Variants in DOP1A observed in about 807,000 individuals in gnomAD.
DOP1A encodes DOP1 leucine zipper like protein A.
A neutral mutation model predicts 267.6 loss-of-function variants in DOP1A; 90 were observed. The ratio of observed to expected loss-of-function variants is 0.34; its 90% CI spans 0.28 to 0.40. The LOEUF (loss-of-function observed/expected upper bound fraction) is 0.40. Ranked by LOEUF, DOP1A falls within the 10% of genes least tolerant of loss-of-function variation. The pLI, the probability that DOP1A is intolerant of heterozygous loss-of-function variation, is 1.00. For synonymous variants in DOP1A, 932 were observed against 999.1 expected, an observed-to-expected ratio of 0.93 and a Z score of 1.27; for missense variants, 2,437 against 2,900.4, an observed-to-expected ratio of 0.84 and a Z score of 3.67.
At chr6:83,153,310 C>T in intron 30 of DOP1A, 1 of 357,738 alleles carries the variant, frequency 2.8e-6, no homozygotes, top group Non-Finnish European at 4.9e-6. Context: ...AAGATTTGCC[C>T]ATATTTATAT....
chr6:83,131,265 T>G (rs1217606905), intron 17 of DOP1A, among the ~76,000 whole-genome samples: 1 of 152,126 alleles, frequency 6.6e-6, no homozygotes, highest in Non-Finnish European at 1.5e-5. Context: ...AAAAAAAGTT[T>G]AAAAATCTGA....
intron 12 of DOP1A, 66 bp downstream of exon 12, chr6:83,123,048 G>A (rs1776601960): frequency 2.0e-6 from 3 of 1,496,930 alleles, no homozygotes; most frequent in Admixed American, 5.1e-5. Context: ...TTTTTTTTAA[G>A]TTGTTACATT....
chr6:83,153,873 G>T lies in DOP1A; in HGVS notation c.6240-21G>T, dbSNP rs1782222903. On this transcript the variant is annotated intron_variant, in intron 31 of 38. Coordinates refer to ENST00000349129, the MANE Select transcript of DOP1A (RefSeq NM_015018.4). ...ATTAAAGTTAGGACACGTAGGTTAA[G>T]GTGGTTTTTCTTCCTTGTAGTGCAC... 3 of 1,593,776 alleles carry T rather than the reference G, an allele frequency of 1.9e-6. No individual in the cohort carries two copies. In the East Asian group the frequency reaches 6.7e-5, roughly 36 times the overall value.
chr6:83,119,219 C>G (rs1775952108), intron 8 of DOP1A, among the ~76,000 whole-genome samples: 1 of 152,078 alleles, frequency 6.6e-6, no homozygotes, highest in African/African-American at 2.4e-5. Flanking sequence ...TTGTCCTTAA[C>G]AAGATGTTTT....
chr6:83,125,473 C>CT, intron 14 of DOP1A, 27 bp from the exon 15 acceptor site: 1 of 1,604,112 alleles, frequency 6.2e-7, no homozygotes, highest in Non-Finnish European at 8.5e-7. Context: ...ATTGTTTAAA[C>CT]TTTTTTCATT....
At chr6:83,095,083 C>A (rs1771218691) in intron 1 of DOP1A, among the ~76,000 whole-genome samples, 1 of 152,138 alleles carries the variant, frequency 6.6e-6, no homozygotes, top group South Asian at 2.1e-4. Flanking sequence ...CAGGCATGAG[C>A]CACCACACCT....
At position 83,125,655 on chromosome 6, in the gene DOP1A, G is replaced by A. The variant is rs145826563; in HGVS notation, c.1641G>A (p.Leu547=). The change falls in exon 15 of 39, where the codon CTG becomes CTA. Residue 547 remains leucine, a synonymous_variant. Transcript: ENST00000349129. ...SKILSKVQPP[L]LSASTGGVLQ... ...TCCTTAGCAAGGTTCAGCCTCCACT[G>A]TTATCTGCTAGCACTGGAGGTGTTT... is the stretch of plus-strand genomic sequence containing the variant. 31 of 1,613,670 alleles carry A rather than the reference G, an allele frequency of 1.9e-5. No homozygotes were observed. The Admixed American group carries it at 2.0e-4, about 10-fold the overall frequency.
chr6:83,083,421 A>T (rs752895186), intron 1 of DOP1A, among the ~76,000 whole-genome samples: 7 of 120,084 alleles, frequency 5.8e-5, no homozygotes, highest in South Asian at 2.4e-4. Context: ...CTTGTGGTTT[A>T]AAAAAAAAAA....
At chr6:83,146,110 A>C (rs1331670200) in intron 25 of DOP1A, among the ~76,000 whole-genome samples, 1 of 152,246 alleles carries the variant, frequency 6.6e-6, no homozygotes, top group Admixed American at 6.5e-5. Context: ...TTGACCATGT[A>C]TAATACTGTG....
At chr6:83,096,381 CTGTGGG>C (rs1771514203) in intron 1 of DOP1A, among the ~76,000 whole-genome samples, 1 of 151,288 alleles carries the variant, frequency 6.6e-6, no homozygotes, top group Non-Finnish European at 1.5e-5. Flanking sequence ...CTGTACTCAG[CTGTGGG>C]CATACTTTAA....
At chr6:83,132,495 A>G (rs556296373) in intron 18 of DOP1A, among the ~76,000 whole-genome samples, 167 bp downstream of exon 18, 8 of 152,128 alleles carry the variant, frequency 5.3e-5, no homozygotes, top group African/African-American at 9.7e-5. Flanking sequence ...AATGTATTCA[A>G]TTATTTCTAG....
At chr6:83,076,520 A>C (rs1002173688) in intron 1 of DOP1A, among the ~76,000 whole-genome samples, 12 of 152,190 alleles carry the variant, frequency 7.9e-5, no homozygotes, top group African/African-American at 2.9e-4. Flanking sequence ...AAAGAAAAAA[A>C]AATGTTGAAG....
In DOP1A at chr6:83,129,237, C is replaced by T; in HGVS notation, c.2070C>T (p.Asn690=). The T allele has an allele frequency of 6.2e-7, 1 of 1,613,558 alleles. No individual in the cohort carries two copies. The highest frequency in any genetic ancestry group is 8.5e-7 in the Non-Finnish European group (1 of 1,179,800). The change falls in exon 16 of 39, where the codon AAC becomes AAT. Residue 690 remains asparagine, a synonymous_variant. Coordinates refer to ENST00000349129, the MANE Select transcript of DOP1A (RefSeq NM_015018.4). ...AACAGTTTCTTACCAGACTTATCAA[C>T]CTCTACATCATTCAGAATAACTCTT... ...YVQQFLTRLI[N]LYIIQNNSFS... is the part of the protein sequence containing the mutation.
At chr6:83,089,141 TG>T (rs1343619833) in intron 1 of DOP1A, among the ~76,000 whole-genome samples, 4 of 152,194 alleles carry the variant, frequency 2.6e-5, no homozygotes, top group Non-Finnish European at 5.9e-5. Flanking sequence ...CTGCCTTTTG[TG>T]GCAAAGGAAG....
Position 83,137,618 on chromosome 6 carries a change from G to T in DOP1A, c.3576G>T (p.Glu1192Asp). ...PKCSDIDPDE[E>D]TIKIEDDSIQ... Reference sequence around the variant, plus strand: ...GCAGTGATATAGATCCAGATGAAGAGACGATTAAAATTGAAGATGACTCCA... The same window carrying T: ...GCAGTGATATAGATCCAGATGAAGATACGATTAAAATTGAAGATGACTCCA... Residue 1192 changes from glutamate (E) to aspartate (D), a missense_variant, in exon 21 of 39, where the codon GAG becomes GAT. Coordinates refer to ENST00000349129, the MANE Select transcript of DOP1A (RefSeq NM_015018.4). 1 of 1,613,816 alleles carries T rather than the reference G, an allele frequency of 6.2e-7. No homozygotes were observed. Among genetic ancestry groups the T allele is most frequent in the Non-Finnish European group, 8.5e-7 (1 of 1,179,840 alleles).
At chr6:83,117,054 A>G (rs1364517502) in intron 7 of DOP1A, among the ~76,000 whole-genome samples, 1 of 152,150 alleles carries the variant, frequency 6.6e-6, no homozygotes, top group Non-Finnish European at 1.5e-5. Context: ...CAACTCAGTT[A>G]TACAATTGCT....
At position 83,137,568 on chromosome 6, in the gene DOP1A, G is replaced by A. The variant is rs369687259; in HGVS notation, c.3526G>A (p.Glu1176Lys). 5.6e-5 allele frequency: 91 copies of A among 1,613,684 alleles called. No homozygotes were observed. Among genetic ancestry groups the A allele is most frequent in the Non-Finnish European group, 7.5e-5 (88 of 1,179,822 alleles). Residue 1176 changes from glutamate to lysine, a missense_variant, in exon 21 of 39, where the codon GAA becomes AAA. Physicochemically the swap from Glu to Lys is moderately conservative, Grantham distance 56 (BLOSUM62 1). Around this residue, in one of 9 missense-constraint regions of DOP1A, gnomAD observed 878 missense variants for 992.9 expected, o/e 0.88. Coordinates refer to ENST00000349129, the MANE Select transcript of DOP1A (RefSeq NM_015018.4). The part of the protein sequence containing the change: ...VESASVTSQL[E>K]IEAMPPKCSD... ...ATCTGCATCAGTTACATCTCAATTA[G>A]AAATTGAAGCTATGCCCCCAAAGTG...
Position 83,168,225 on chromosome 6 carries a change from A to T in DOP1A, c.*58A>T, listed in dbSNP as rs2128469592. 1.3e-6 allele frequency: 2 copies of T among 1,546,440 alleles called. No individual in the cohort carries two copies. Among genetic ancestry groups the T allele is most frequent in the East Asian group, 4.6e-5 (2 of 43,380 alleles). On this transcript the variant is annotated 3_prime_UTR_variant, in exon 39 of 39. Coordinates refer to ENST00000349129, the MANE Select transcript of DOP1A (RefSeq NM_015018.4). ...AAATGTAATTATTTAAAACACACACACTGCTCTGCGTTGTATAGTTTTTCC... is the reference window on the plus strand; with the variant it reads ...AAATGTAATTATTTAAAACACACACTCTGCTCTGCGTTGTATAGTTTTTCC...
rs1472761728 is a variant in DOP1A at position 83,130,467 on chromosome 6, T to A, written c.2616+70T>A. Reference sequence around the variant, plus strand: ...TGTATGATACTTGACCTAGTTTGCTTTAAGAATTATTTTTTAAATGTTAAT... The same window carrying A: ...TGTATGATACTTGACCTAGTTTGCTATAAGAATTATTTTTTAAATGTTAAT... On this transcript the variant is annotated intron_variant, in intron 17 of 38. Coordinates refer to ENST00000349129, the MANE Select transcript of DOP1A (RefSeq NM_015018.4). 7.5e-5 allele frequency: 114 copies of A among 1,520,378 alleles called. No homozygotes were observed. The East Asian group carries it at 2.5e-3, about 33-fold the overall frequency. 94.2% of individuals were successfully genotyped at this position (1,520,378 alleles called of 1,614,324 possible).
Sources: allele counts gnomAD v4.1 joint callset (sites outside exome capture counted in the v4.1 genomes callset), GRCh38; gene constraint gnomAD v4.1.1; regional missense constraint gnomAD v4.1.1; transcripts MANE v1.5; gene names NCBI Gene and HGNC (gene_info 2026-07-23, HGNC 2026-07-21).